The following SGCZ variants were observed in gnomAD, a reference collection of about 807,000 sequenced individuals.
SGCZ encodes sarcoglycan zeta, also known as zeta-sarcoglycan.
In SGCZ, 40 loss-of-function variants were observed where a neutral mutation model predicts 41.3. The observed-to-expected ratio is 0.97, with a 90% CI of 0.75 to 1.26. The LOEUF (loss-of-function observed/expected upper bound fraction) is 1.26. Among genes scored for constraint, SGCZ ranks in the 50% most tolerant of loss-of-function variants. SGCZ has a pLI of 0.00. For missense variants in SGCZ, 552 were observed against 369.8 expected, an observed-to-expected ratio of 1.49 and a Z score of -4.04; for synonymous variants, 206 against 137.5, an observed-to-expected ratio of 1.50 and a Z score of -3.49.
At chr8:14,337,740 G>C (rs1452374442) in intron 2 of SGCZ, among the ~76,000 whole-genome samples, 1 of 152,090 alleles carries the variant, frequency 6.6e-6, no homozygotes, top group South Asian at 2.1e-4. Context: ...AAAATTCTGG[G>C]TGAGAATGAT....
intron 1 of SGCZ, among the ~76,000 whole-genome samples, chr8:15,086,416 T>C (rs1179632665): frequency 1.3e-5 from 2 of 152,206 alleles, no homozygotes; most frequent in African/African-American, 2.4e-5. Flanking sequence ...GTTTTTTCCA[T>C]GTTTCCAAGT....
intron 1 of SGCZ, among the ~76,000 whole-genome samples, chr8:14,836,732 G>A (rs1200157758): frequency 6.6e-6 from 1 of 152,090 alleles, no homozygotes; most frequent in African/African-American, 2.4e-5. Flanking sequence ...AACTCCTTGA[G>A]CTCAAGCAAT....
chr8:15,087,447 C>T lies in SGCZ; in HGVS notation c.39+150138G>A, dbSNP rs536685974. 5.3e-5 allele frequency among the ~76,000 whole-genome samples: 8 copies of T among 152,120 alleles called. No individual in the cohort carries two copies. In the East Asian group the frequency reaches 7.8e-4, roughly 15 times the overall value. On this transcript the variant is annotated intron_variant, in intron 1 of 7. Coordinates refer to ENST00000382080, the MANE Select transcript of SGCZ (RefSeq NM_139167.4). ...TATGGCAGACTAACAACATCTCGAA[C>T]GCTGATTTCATTCCCCACGTTGGTT... is the stretch of plus-strand genomic sequence containing the variant.
chr8:15,095,192 G>A (rs573141748), intron 1 of SGCZ, among the ~76,000 whole-genome samples: 3 of 152,004 alleles, frequency 2.0e-5, no homozygotes, highest in East Asian at 1.9e-4. Context: ...TCCATCTCCC[G>A]GGTTCAAGCG....
At chr8:14,425,608 G>A (rs1054048124) in intron 2 of SGCZ, among the ~76,000 whole-genome samples, 10 of 150,228 alleles carry the variant, frequency 6.7e-5, no homozygotes, top group African/African-American at 2.5e-4. Flanking sequence ...TTGACAGAGG[G>A]AGAATCCCTC....
intron 5 of SGCZ, among the ~76,000 whole-genome samples, chr8:14,137,801 C>G (rs1415520646): frequency 6.6e-6 from 1 of 152,072 alleles, no homozygotes; most frequent in Non-Finnish European, 1.5e-5. Context: ...CAAGGCAGAC[C>G]AACATTGAAA....
intron 1 of SGCZ, among the ~76,000 whole-genome samples, chr8:15,217,954 C>T (rs376998120): frequency 5.3e-5 from 8 of 152,136 alleles, no homozygotes; most frequent in South Asian, 2.1e-4. Flanking sequence ...AACGGGGTGG[C>T]GTGTGCTTGT....
intron 1 of SGCZ, among the ~76,000 whole-genome samples, chr8:14,920,701 C>G (rs1348443058): frequency 6.6e-6 from 1 of 152,146 alleles, no homozygotes; most frequent in Non-Finnish European, 1.5e-5. Context: ...ATATTATAGA[C>G]TTTCCCTAAA....
At chr8:14,566,569 C>T (rs1554452364) in intron 1 of SGCZ, among the ~76,000 whole-genome samples, 1 of 152,252 alleles carries the variant, frequency 6.6e-6, no homozygotes, top group Non-Finnish European at 1.5e-5. Flanking sequence ...TACAATTTGC[C>T]TTTCCACCAA....
intron 2 of SGCZ, among the ~76,000 whole-genome samples, chr8:14,442,859 T>C (rs536596310): frequency 1.3e-5 from 2 of 152,304 alleles, no homozygotes; most frequent in East Asian, 3.9e-4. Flanking sequence ...ATTGTCTGTC[T>C]AATCTTAATG....
chr8:14,457,438 G>A (rs760770595), intron 2 of SGCZ, among the ~76,000 whole-genome samples: 1 of 152,204 alleles, frequency 6.6e-6, no homozygotes, highest in Non-Finnish European at 1.5e-5. Flanking sequence ...AAAAGAGGGG[G>A]TCTCCCTTTC....
chr8:14,532,632 C>G (rs6993084), intron 2 of SGCZ, among the ~76,000 whole-genome samples: 1 of 144,804 alleles, frequency 6.9e-6, no homozygotes, highest in Non-Finnish European at 1.5e-5. Context: ...CTATCACCAT[C>G]TGAACTTTGA....
At chr8:15,186,004 C>G (rs1198208177) in intron 1 of SGCZ, among the ~76,000 whole-genome samples, 1 of 150,752 alleles carries the variant, frequency 6.6e-6, no homozygotes, top group Non-Finnish European at 1.5e-5. Flanking sequence ...GTGGGCAGAT[C>G]ACGAGGTCAG....
chr8:14,641,985 C>A (rs72607319), intron 1 of SGCZ, among the ~76,000 whole-genome samples: 28,884 of 151,460 alleles, frequency 0.19, 3,285 homozygotes, highest in East Asian at 0.6. Context: ...TGCAGGGATG[C>A]AAGGCCTTGG....
At chr8:14,192,425 T>C (rs905755034) in intron 4 of SGCZ, among the ~76,000 whole-genome samples, 2 of 151,940 alleles carry the variant, frequency 1.3e-5, no homozygotes, top group Admixed American at 6.6e-5. Flanking sequence ...AGATCTCTAG[T>C]GTTTTCTCAT....
intron 2 of SGCZ, among the ~76,000 whole-genome samples, chr8:14,388,425 G>C (rs1585438741): frequency 6.6e-6 from 1 of 151,940 alleles, no homozygotes; most frequent in African/African-American, 2.4e-5. Flanking sequence ...AGACAGATTA[G>C]GAGAATATTT....
intron 4 of SGCZ, among the ~76,000 whole-genome samples, chr8:14,198,291 T>G (rs1263749671): frequency 2.0e-5 from 3 of 152,192 alleles, no homozygotes; most frequent in Non-Finnish European, 2.9e-5. Flanking sequence ...GTCATGGTAT[T>G]ATAGTGATTG....
chr8:14,980,770 A>T (rs1701524650), intron 1 of SGCZ, among the ~76,000 whole-genome samples: 2 of 152,160 alleles, frequency 1.3e-5, no homozygotes, highest in South Asian at 4.1e-4. Context: ...ACAACATGTG[A>T]GGATTATGGA....
At chr8:14,264,466 G>T (rs1246807428) in intron 3 of SGCZ, among the ~76,000 whole-genome samples, 1 of 152,122 alleles carries the variant, frequency 6.6e-6, no homozygotes. Flanking sequence ...CCTTCCTTCA[G>T]GAACAAAACA....
Sources: gnomAD v4.1 joint callset for allele counts (sites outside exome capture counted in the v4.1 genomes callset) on GRCh38, gnomAD v4.1.1 for gene constraint, MANE v1.5 for transcripts, NCBI Gene and HGNC (gene_info 2026-07-23, HGNC 2026-07-21) for gene names.